The following NEDD4 variants were observed in gnomAD, a reference collection of about 807,000 sequenced individuals.
NEDD4 encodes the protein E3 ubiquitin-protein ligase NEDD4.
Under a neutral mutation model 144.9 loss-of-function variants are expected in NEDD4, and 99 were observed. The observed-to-expected ratio is 0.68, with a 90% CI of 0.58 to 0.81. The LOEUF is 0.81. NEDD4 is among the 30% of genes least tolerant of loss of function. NEDD4 has a pLI of 0.00. For synonymous variants in NEDD4, 318 were observed against 350.6 expected (o/e 0.91, Z 1.04); for missense variants, 985 against 1,065.9 (o/e 0.92, Z 1.06).
intron 12 of NEDD4, among the ~76,000 whole-genome samples, chr15:55,853,981 C>T (rs1407029068): frequency 6.6e-6 from 1 of 152,130 alleles, no homozygotes; most frequent in Non-Finnish European, 1.5e-5. Context: ...CTGAGCAAAA[C>T]TCCGACTCAA....
chr15:55,906,939 T>TA (rs544595449), intron 5 of NEDD4, among the ~76,000 whole-genome samples: 8 of 151,194 alleles, frequency 5.3e-5, no homozygotes, highest in African/African-American at 1.9e-4. Context: ...CTACTAAAAA[T>TA]AAAAAAATTA....
At chr15:55,960,227 T>C (rs1454340812) in intron 2 of NEDD4, among the ~76,000 whole-genome samples, 2 of 152,208 alleles carry the variant, frequency 1.3e-5, no homozygotes, top group African/African-American at 4.8e-5. Context: ...AAAGTATTGT[T>C]CCTAGGTGTG....
chr15:55,885,775 A>G (rs2035361207), intron 5 of NEDD4, among the ~76,000 whole-genome samples: 1 of 152,112 alleles, frequency 6.6e-6, no homozygotes, highest in East Asian at 1.9e-4. Flanking sequence ...AGGAAGGAAG[A>G]AAAGAAGGAA....
chr15:55,977,999 G>A (rs578025651), intron 1 of NEDD4, among the ~76,000 whole-genome samples: 14 of 152,158 alleles, frequency 9.2e-5, no homozygotes, highest in African/African-American at 3.1e-4. Context: ...AGCAAATAAT[G>A]TTACTTATCT....
chr15:55,975,628 C>T (rs62045221), intron 1 of NEDD4, among the ~76,000 whole-genome samples: 1 of 117,724 alleles, frequency 8.5e-6, no homozygotes. Context: ...GAAGACGACA[C>T]CAAAAAAAAA....
chr15:55,852,986 G>C (rs986939695), intron 12 of NEDD4, among the ~76,000 whole-genome samples: 2 of 151,956 alleles, frequency 1.3e-5, no homozygotes, highest in African/African-American at 4.8e-5. Context: ...CTAATCTCAA[G>C]TGATCCACCT....
At chr15:55,938,527 G>A in intron 4 of NEDD4, among the ~76,000 whole-genome samples, 1 of 152,050 alleles carries the variant, frequency 6.6e-6, no homozygotes, top group East Asian at 1.9e-4. Flanking sequence ...CAGAGAAGAA[G>A]CTTCTTGACT....
chr15:55,876,875 T>C (rs1002608966), intron 5 of NEDD4, among the ~76,000 whole-genome samples: 15 of 152,072 alleles, frequency 9.9e-5, no homozygotes, highest in African/African-American at 3.6e-4. Flanking sequence ...TTTTCTTTTT[T>C]CTTTTTTTTT....
At chr15:55,922,868 T>C (rs1018776853) in intron 5 of NEDD4, among the ~76,000 whole-genome samples, 1 of 152,208 alleles carries the variant, frequency 6.6e-6, no homozygotes, top group Admixed American at 6.5e-5. Context: ...ATTTGTCTTA[T>C]TATTTAAAAT....
At chr15:55,947,472 T>C (rs910404548) in intron 4 of NEDD4, among the ~76,000 whole-genome samples, 29 of 152,116 alleles carry the variant, frequency 1.9e-4, no homozygotes, top group Non-Finnish European at 2.8e-4. Flanking sequence ...CAGGAAGAAG[T>C]TGAATCTCTG....
intron 7 of NEDD4, among the ~76,000 whole-genome samples, chr15:55,870,143 G>C (rs1315500974): frequency 6.6e-6 from 1 of 152,196 alleles, no homozygotes; most frequent in Non-Finnish European, 1.5e-5. Context: ...GGGACTACAG[G>C]AGATTGGGAT....
intron 2 of NEDD4, among the ~76,000 whole-genome samples, chr15:55,952,121 G>A (rs2037251830): frequency 6.6e-6 from 1 of 151,426 alleles, no homozygotes; most frequent in Non-Finnish European, 1.5e-5. Context: ...GAGGTCAGGA[G>A]ATCAAGACCG....
intron 5 of NEDD4, among the ~76,000 whole-genome samples, chr15:55,904,416 T>C (rs60524883): frequency 6.6e-6 from 1 of 152,108 alleles, no homozygotes; most frequent in Middle Eastern, 3.4e-3. Context: ...CATTCTCCTG[T>C]CATAGCCTCC....
chr15:55,953,747 T>C (rs2037287480), intron 2 of NEDD4, among the ~76,000 whole-genome samples: 2 of 149,594 alleles, frequency 1.3e-5, no homozygotes, highest in Non-Finnish European at 3.0e-5. Flanking sequence ...CGGCTTAAAC[T>C]CTCTTGCTCT....
intron 1 of NEDD4, among the ~76,000 whole-genome samples, chr15:55,966,994 C>T (rs1367528920): frequency 6.6e-6 from 1 of 152,108 alleles, no homozygotes; most frequent in South Asian, 2.1e-4. Flanking sequence ...TCAAGCGATT[C>T]TCATGCCTCA....
chr15:55,908,237 C>G (rs1483307828), intron 5 of NEDD4, among the ~76,000 whole-genome samples: 1 of 152,164 alleles, frequency 6.6e-6, no homozygotes, highest in African/African-American at 2.4e-5. Flanking sequence ...TCATTGTTCT[C>G]TATAGTAGGG....
intron 5 of NEDD4, among the ~76,000 whole-genome samples, chr15:55,896,085 C>G (rs758155069): frequency 6.6e-6 from 1 of 152,156 alleles, no homozygotes; most frequent in Non-Finnish European, 1.5e-5. Context: ...ACCTTGCAGC[C>G]TTCTATTAAC....
At chr15:55,838,219 G>T in intron 22 of NEDD4, 39 bp from the exon 23 acceptor site, 3 of 1,399,414 alleles carry the variant, frequency 2.1e-6, no homozygotes, top group Non-Finnish European at 2.0e-6. Context: ...TTATTTTAGC[G>T]AGAAAAATTT....
intron 2 of NEDD4, among the ~76,000 whole-genome samples, chr15:55,956,749 A>G (rs1304011508): frequency 1.3e-5 from 2 of 152,088 alleles, no homozygotes; most frequent in East Asian, 3.9e-4. Flanking sequence ...AAGTCTTCCA[A>G]TTTTGTTCTT....
Sources: gnomAD v4.1 joint callset for allele counts (sites outside exome capture counted in the v4.1 genomes callset) on GRCh38, gnomAD v4.1.1 for gene constraint, MANE v1.5 for transcripts, NCBI Gene and HGNC (gene_info 2026-07-23, HGNC 2026-07-21) for gene names.